The following CYFIP1 variants were observed in gnomAD, a reference collection of about 807,000 sequenced individuals.
The protein encoded by CYFIP1 is cytoplasmic FMR1-interacting protein 1.
CYFIP1 carries 58 observed loss-of-function variants against 163.5 expected under a neutral mutation model. The ratio of observed to expected loss-of-function variants is 0.35; its 90% confidence interval spans 0.29 to 0.44. The LOEUF (loss-of-function observed/expected upper bound fraction) is 0.44. Among genes scored for constraint, CYFIP1 ranks in the 20% least tolerant of loss-of-function variants. The pLI is 1.00. For missense variants in CYFIP1, 1,338 were observed against 1,653.8 expected, an observed-to-expected ratio of 0.81 and a Z score of 3.31; for synonymous variants, 663 against 660.7, an observed-to-expected ratio of 1.00 and a Z score of -0.05.
At chr15:22,956,601 A>G (rs1240539346) in intron 1 of CYFIP1, among the ~76,000 whole-genome samples, 1 of 152,144 alleles carries the variant, frequency 6.6e-6, no homozygotes, top group Non-Finnish European at 1.5e-5. Context: ...GGAGTCAAAC[A>G]AGTCAGGGGC....
intron 3 of CYFIP1, among the ~76,000 whole-genome samples, chr15:22,945,566 T>G (rs1320030989): frequency 6.7e-6 from 1 of 149,906 alleles, no homozygotes; most frequent in African/African-American, 2.5e-5. Flanking sequence ...TAGTGAGACG[T>G]TCATCACAGT....
intron 10 of CYFIP1, among the ~76,000 whole-genome samples, chr15:22,933,277 G>A (rs966910664): frequency 6.6e-5 from 10 of 152,026 alleles, no homozygotes; most frequent in Admixed American, 5.9e-4. Flanking sequence ...TTTCAAACGT[G>A]GCTGTCGTAA....
intron 16 of CYFIP1, 138 bp downstream of exon 16, chr15:22,916,339 C>A (rs1056668717): frequency 1.6e-5 from 11 of 682,190 alleles, no homozygotes; most frequent in Non-Finnish European, 2.7e-5. Flanking sequence ...CAGCCACCGC[C>A]ACAGAGGGCA....
rs780107999 is a variant in CYFIP1 at position 22,918,745 on chromosome 15, G to A, written c.1473C>T (p.Thr491=). ...YAALQDFSQV[T]LREPLRQAIK... ...TGGCCTGCCGCAGCGGCTCCCTAAG[G>A]GTCACCTGGGAGAAGTCCTGCAGTG... The change falls in exon 14 of 31, where the codon ACC becomes ACT. Residue 491 remains threonine, a synonymous_variant. Coordinates refer to ENST00000617928, the MANE Select transcript of CYFIP1 (RefSeq NM_014608.6). 7 of 1,613,212 alleles carry A rather than the reference G, an allele frequency of 4.3e-6. No individual in the cohort carries two copies. Among genetic ancestry groups the A allele is most frequent in the East Asian group, 2.2e-5 (1 of 44,830 alleles).
intron 1 of CYFIP1, among the ~76,000 whole-genome samples, chr15:22,968,072 G>C (rs1477655225): frequency 1.3e-5 from 2 of 152,000 alleles, no homozygotes; most frequent in African/African-American, 4.8e-5. Flanking sequence ...GGAGGTGGAG[G>C]TTGCAGTGAG....
chr15:22,979,281 C>G (rs1361491928), intron 1 of CYFIP1, among the ~76,000 whole-genome samples: 1 of 152,130 alleles, frequency 6.6e-6, no homozygotes, highest in Non-Finnish European at 1.5e-5. Context: ...TGCGTGGGGC[C>G]CCCGCGGGTC....
At chr15:22,937,671 T>C (rs1192557936) in intron 8 of CYFIP1, among the ~76,000 whole-genome samples, 1 of 149,758 alleles carries the variant, frequency 6.7e-6, no homozygotes, top group Non-Finnish European at 1.5e-5. Context: ...CCATCTCAGC[T>C]CACTGCAACC....
chr15:22,895,075 C>T (rs192169339), intron 22 of CYFIP1, among the ~76,000 whole-genome samples: 6 of 150,220 alleles, frequency 4.0e-5, no homozygotes, highest in East Asian at 3.9e-4. Context: ...AGTGCAGTGG[C>T]GTGATCTTGG....
At chr15:22,966,222 C>T (rs868611242) in intron 1 of CYFIP1, among the ~76,000 whole-genome samples, 37 of 151,788 alleles carry the variant, frequency 2.4e-4, no homozygotes, top group Middle Eastern at 3.4e-3. Context: ...GGCGTGGTGG[C>T]GTGGGCCTGT....
intron 1 of CYFIP1, among the ~76,000 whole-genome samples, chr15:22,952,201 A>C (rs1431307687): frequency 6.6e-6 from 1 of 152,130 alleles, no homozygotes; most frequent in Non-Finnish European, 1.5e-5. Context: ...AGAGACAGAA[A>C]GGAGAACAGT....
chr15:22,878,724 A>G lies in CYFIP1; in HGVS notation c.3042+1189T>C, dbSNP rs1197488302. Among the ~76,000 whole-genome samples, 4 of 152,066 alleles carry G rather than the reference A, an allele frequency of 2.6e-5. No homozygotes were observed. The South Asian group carries it at 8.3e-4, about 32-fold the overall frequency. ...TTAAAAAAAAAAAGGCTACATCCAA[A>G]TTAAGAGCATTTTATCAAAAATCAC... On this transcript the variant is annotated intron_variant, in intron 26 of 30. Transcript: ENST00000617928.
intron 1 of CYFIP1, among the ~76,000 whole-genome samples, chr15:22,956,699 T>C (rs1248229383): frequency 6.6e-6 from 1 of 152,082 alleles, no homozygotes; most frequent in African/African-American, 2.4e-5. Flanking sequence ...GGCCACACCA[T>C]CCAGATGGCC....
intron 17 of CYFIP1, among the ~76,000 whole-genome samples, 181 bp downstream of exon 17, chr15:22,914,545 G>C (rs1309056332): frequency 1.3e-5 from 2 of 151,916 alleles, no homozygotes; most frequent in Non-Finnish European, 2.9e-5. Flanking sequence ...TCCCGCATCA[G>C]CCACCACACC....
rs1566968025 is a variant in CYFIP1 at position 22,916,546 on chromosome 15, G to A, written c.1759C>T (p.Pro587Ser). The A allele has an allele frequency of 6.2e-7, 1 of 1,614,100 alleles. No individual in the cohort carries two copies. Among genetic ancestry groups the A allele is most frequent in the Non-Finnish European group, 8.5e-7 (1 of 1,180,002 alleles). Residue 587 changes from proline to serine, a missense_variant, in exon 16 of 31, where the codon CCC (proline) becomes TCC (serine). Physicochemically the swap from Pro to Ser is moderately conservative, Grantham distance 74. Transcript: ENST00000617928. Reference protein sequence around the residue: ...KKTLRSSLEGPTILDIEKFHR... With the variant: ...KKTLRSSLEGSTILDIEKFHR... Reference sequence around the variant, plus strand: ...AATTTTTCTATGTCCAATATGGTGGGCCCCTCAAGGCTACTTCTCAAGGTT... The same window carrying A: ...AATTTTTCTATGTCCAATATGGTGGACCCCTCAAGGCTACTTCTCAAGGTT...
rs2059552135 is a variant in CYFIP1 at position 22,875,289 on chromosome 15, A to G, written c.3043-18T>C. ...TCTAAAGACTAGAGCAGAGAAAGAG[A>G]GGGTCAAGCTAGGAAGGGTATCTCG... On this transcript the variant is annotated intron_variant, in intron 26 of 30. Transcript: ENST00000617928. The G allele has an allele frequency of 6.2e-7, 1 of 1,612,346 alleles. No individual in the cohort carries two copies. Among genetic ancestry groups the G allele is most frequent in the South Asian group, 1.1e-5 (1 of 91,054 alleles).
chr15:22,884,013 T>C (rs1595511768), intron 23 of CYFIP1, among the ~76,000 whole-genome samples: 1 of 152,048 alleles, frequency 6.6e-6, no homozygotes, highest in Middle Eastern at 3.2e-3. Context: ...ACTCACTCAC[T>C]ATCACAAGAA....
intron 22 of CYFIP1, among the ~76,000 whole-genome samples, chr15:22,898,404 T>G (rs1276125716): frequency 6.6e-6 from 1 of 152,112 alleles, no homozygotes; most frequent in African/African-American, 2.4e-5. Context: ...ACTACAGATG[T>G]GTGCCACCAT....
intron 17 of CYFIP1, among the ~76,000 whole-genome samples, chr15:22,913,303 C>T (rs780525793): frequency 1.2e-4 from 18 of 150,446 alleles, no homozygotes; most frequent in African/African-American, 1.7e-4. Context: ...CCGAGGTGGG[C>T]GGATCACTTG....
intron 22 of CYFIP1, among the ~76,000 whole-genome samples, chr15:22,899,758 G>C (rs1424000154): frequency 1.3e-5 from 2 of 152,062 alleles, no homozygotes; most frequent in African/African-American, 4.8e-5. Flanking sequence ...TCTGAAAACA[G>C]TATGTTCGTC....
Sources: allele counts gnomAD v4.1 joint callset (sites outside exome capture counted in the v4.1 genomes callset), GRCh38; gene constraint gnomAD v4.1.1; transcripts MANE v1.5; gene names NCBI Gene and HGNC (gene_info 2026-07-23, HGNC 2026-07-21).